Variants in ATF7IP2 observed in about 807,000 individuals in gnomAD.
ATF7IP2 encodes the protein activating transcription factor 7-interacting protein 2.
Under a neutral mutation model 64.2 loss-of-function variants are expected in ATF7IP2, and 42 were observed. That is an observed-to-expected ratio of 0.65 (90% CI 0.51 to 0.85). The LOEUF (loss-of-function observed/expected upper bound fraction) is 0.85, where lower values mean the gene tolerates loss of function less well. Ranked by LOEUF, ATF7IP2 falls within the 40% of genes least tolerant of loss-of-function variation. The pLI is 0.00. For missense variants in ATF7IP2, 933 were observed against 784.2 expected, an observed-to-expected ratio of 1.19 and a Z score of -2.27; for synonymous variants, 308 against 272.8, an observed-to-expected ratio of 1.13 and a Z score of -1.27.
At chr16:10,471,302 C>T (rs536207573) in intron 9 of ATF7IP2, among the ~76,000 whole-genome samples, 4 of 152,122 alleles carry the variant, frequency 2.6e-5, no homozygotes, top group South Asian at 4.2e-4. Flanking sequence ...CCAAGGTGGG[C>T]GGATCACCTG....
intron 9 of ATF7IP2, among the ~76,000 whole-genome samples, chr16:10,463,196 G>A (rs1160882766): frequency 6.6e-6 from 1 of 152,212 alleles, no homozygotes; most frequent in Admixed American, 6.5e-5. Flanking sequence ...TTGATTACTG[G>A]ATATTGTATA....
intron 12 of ATF7IP2, among the ~76,000 whole-genome samples, chr16:10,479,201 C>T (rs1355418133): frequency 5.3e-5 from 8 of 149,534 alleles, no homozygotes; most frequent in African/African-American, 1.5e-4. Flanking sequence ...CACATGCACA[C>T]GTATGTTTAT....
intron 1 of ATF7IP2, among the ~76,000 whole-genome samples, chr16:10,405,212 A>T (rs1197335891): frequency 6.6e-6 from 1 of 151,808 alleles, no homozygotes; most frequent in Non-Finnish European, 1.5e-5. Flanking sequence ...AAAAAAAAAA[A>T]TACAAAAAAT....
intron 1 of ATF7IP2, among the ~76,000 whole-genome samples, chr16:10,388,315 C>T (rs9938188): frequency 0.55 from 83,638 of 152,038 alleles, 23,122 homozygotes; most frequent in East Asian, 0.68. Context: ...AGAGAAATAA[C>T]CATGACTTTT....
At chr16:10,452,052 CA>C (rs879825401) in intron 8 of ATF7IP2, among the ~76,000 whole-genome samples, 28 of 143,756 alleles carry the variant, frequency 1.9e-4, no homozygotes, top group Non-Finnish European at 1.8e-4. Flanking sequence ...AACTCCGTCC[CA>C]AAAAAAAAAA....
At chr16:10,448,981 T>C (rs2048899649) in intron 8 of ATF7IP2, 1 of 152,212 alleles carries the variant, frequency 6.6e-6, no homozygotes, top group Admixed American at 6.5e-5. Flanking sequence ...TTGAGATATG[T>C]TCCATCAGTA....
At chr16:10,401,237 G>A (rs546983196) in intron 1 of ATF7IP2, among the ~76,000 whole-genome samples, 17 of 151,298 alleles carry the variant, frequency 1.1e-4, no homozygotes, top group African/African-American at 3.2e-4. Context: ...GTGTGATCTC[G>A]GCTCACTGCA....
intron 12 of ATF7IP2, among the ~76,000 whole-genome samples, chr16:10,479,958 CTTT>C (rs201158427): frequency 1.4e-4 from 11 of 80,580 alleles, no homozygotes; most frequent in South Asian, 4.4e-4. Context: ...ACTGGAAATA[CTTT>C]TTTTTTTTTT....
rs1025125276 is a variant in ATF7IP2, at chr16:10,420,113, G to C, written c.-160+490G>C. Among the ~76,000 whole-genome samples the C allele has an allele frequency of 7.2e-5, 11 of 152,318 alleles. No homozygotes were observed. In the East Asian group the frequency reaches 2.1e-3, roughly 29 times the overall value. On this transcript the variant is annotated intron_variant, in intron 3 of 13. Transcript: ENST00000562102. ...ATGGGTTGTCCTTGAGAATTACATG[G>C]GATGCCAGTAATGTGTTTAATATTC...
intron 7 of ATF7IP2, among the ~76,000 whole-genome samples, chr16:10,438,536 C>G (rs886435683): frequency 1.3e-5 from 2 of 151,566 alleles, no homozygotes; most frequent in Non-Finnish European, 2.9e-5. Flanking sequence ...TACAGGCGTG[C>G]GTCACCACAC....
At chr16:10,412,551 A>G (rs536008973) in intron 1 of ATF7IP2, among the ~76,000 whole-genome samples, 2 of 152,114 alleles carry the variant, frequency 1.3e-5, no homozygotes, top group Non-Finnish European at 2.9e-5. Context: ...GCTTGATATA[A>G]TTTCAATTTT....
intron 1 of ATF7IP2, among the ~76,000 whole-genome samples, chr16:10,406,251 TG>T (rs946927633): frequency 8.5e-5 from 13 of 152,070 alleles, no homozygotes; most frequent in African/African-American, 2.9e-4. Flanking sequence ...GGACTACAGG[TG>T]TGCACCACCA....
At position 10,482,058 on chromosome 16, in the gene ATF7IP2, T is replaced by G. The variant is rs771933493; in HGVS notation, c.1858T>G (p.Ser620Ala). The stretch of plus-strand genomic sequence containing the variant: ...CCACCTCTTCCTGTGTCATGAGAAC[T>G]CTAATAATAAGTTGATTTGGAAGAA... ...SYHLFLCHEN[S>A]NNKLIWKKIG... Residue 620 changes from serine to alanine, a missense_variant, in exon 14 of 14, where the codon TCT becomes GCT. Physicochemically the swap from Ser to Ala is moderately conservative, Grantham distance 99. Coordinates refer to ENST00000562102, the MANE Select transcript of ATF7IP2 (RefSeq NM_001393719.1). The G allele has an allele frequency of 3.7e-5, 59 of 1,613,922 alleles. No individual in the cohort carries two copies. The highest frequency in any genetic ancestry group is 4.8e-5 in the Non-Finnish European group (57 of 1,179,952).
intron 8 of ATF7IP2, among the ~76,000 whole-genome samples, chr16:10,441,812 C>T (rs1193972340): frequency 3.3e-5 from 5 of 152,188 alleles, no homozygotes; most frequent in African/African-American, 9.6e-5. Flanking sequence ...GTCATGAAGT[C>T]TTTGCCCATT....
intron 1 of ATF7IP2, among the ~76,000 whole-genome samples, chr16:10,410,209 G>C (rs1257448747): frequency 1.3e-5 from 2 of 152,142 alleles, no homozygotes; most frequent in African/African-American, 4.8e-5. Flanking sequence ...CGTGAGCACG[G>C]GATGTGTTTT....
chr16:10,464,055 G>T (rs1002708672), intron 9 of ATF7IP2, among the ~76,000 whole-genome samples: 35 of 152,130 alleles, frequency 2.3e-4, no homozygotes, highest in African/African-American at 7.0e-4. Flanking sequence ...CTGGCCAAGC[G>T]TCCAGCTCAC....
At position 10,412,010 on chromosome 16, in the gene ATF7IP2, G is replaced by GGTTTTTTTTTTTTTTTT. The variant is rs1476575065; in HGVS notation, c.-241-2564_-241-2563insGTTTTTTTTTTTTTTTT. 6.7e-4 allele frequency among the ~76,000 whole-genome samples: 39 copies of GGTTTTTTTTTTTTTTTT among 58,396 alleles called. 7 individuals are homozygous for GGTTTTTTTTTTTTTTTT. Among genetic ancestry groups the GGTTTTTTTTTTTTTTTT allele is most frequent in the African/African-American group, 1.1e-3 (18 of 16,356 alleles). The allele number at this position is 58,396 out of a possible 152,430, so 38.3% of individuals were successfully genotyped here. ...CTTTTTGTTTCATTTATCTTTTTTT[G>GGTTTTTTTTTTTTTTTT]TTTTTTTTTTTTTTTTTTTTTTTTT... On this transcript the variant is annotated intron_variant, in intron 1 of 13. Transcript: ENST00000562102.
chr16:10,417,216 A>T (rs928898855), intron 2 of ATF7IP2, among the ~76,000 whole-genome samples: 13 of 152,212 alleles, frequency 8.5e-5, no homozygotes, highest in African/African-American at 2.9e-4. Flanking sequence ...TGACAGGATC[A>T]AAACCTCTCA....
chr16:10,480,460 G>A (rs1403857881), intron 12 of ATF7IP2, among the ~76,000 whole-genome samples: 1 of 151,704 alleles, frequency 6.6e-6, no homozygotes, highest in East Asian at 1.9e-4. Context: ...GAGGAGCACA[G>A]ACCTCATTAG....
Sources: allele counts gnomAD v4.1 joint callset (sites outside exome capture counted in the v4.1 genomes callset), GRCh38; gene constraint gnomAD v4.1.1; transcripts MANE v1.5; gene names NCBI Gene and HGNC (gene_info 2026-07-23, HGNC 2026-07-21).